PLEKHA5: variants seen among roughly 807,000 people sequenced by gnomAD.
PLEKHA5 encodes the protein pleckstrin homology domain containing A5.
In PLEKHA5, 55 loss-of-function variants were observed where a neutral mutation model predicts 181.9. The ratio of observed to expected loss-of-function variants is 0.30; its 90% CI spans 0.24 to 0.38. PLEKHA5 has a LOEUF of 0.38. PLEKHA5 is among the 10% of genes least tolerant of loss of function. The pLI, the probability that PLEKHA5 is intolerant of heterozygous loss-of-function variation, is 1.00. For missense variants in PLEKHA5, 1,432 were observed against 1,549.5 expected (o/e 0.92, Z 1.27); for synonymous variants, 535 against 529.4 (o/e 1.01, Z -0.15).
At chr12:19,276,701 G>A (rs1592290562) in intron 11 of PLEKHA5, among the ~76,000 whole-genome samples, 1 of 152,112 alleles carries the variant, frequency 6.6e-6, no homozygotes, top group East Asian at 1.9e-4. Flanking sequence ...ATGACACCCT[G>A]CCTTTTAGGC....
At chr12:19,292,848 A>G (rs2078822970) in intron 15 of PLEKHA5, among the ~76,000 whole-genome samples, 1 of 152,136 alleles carries the variant, frequency 6.6e-6, no homozygotes. Flanking sequence ...CTGAGGCAGG[A>G]GAATCACTTG....
intron 3 of PLEKHA5, among the ~76,000 whole-genome samples, chr12:19,162,327 A>G (rs990148533): frequency 2.6e-5 from 4 of 152,210 alleles, no homozygotes; most frequent in East Asian, 3.9e-4. Flanking sequence ...AAAGATTGTA[A>G]TAAGTATTAA....
intron 30 of PLEKHA5, 67 bp downstream of exon 30, chr12:19,366,176 T>C: frequency 2.3e-6 from 3 of 1,319,288 alleles, no homozygotes; most frequent in Non-Finnish European, 3.2e-6. Flanking sequence ...TTATTTTCCA[T>C]GGGGAGATTC....
Position 19,345,906 on chromosome 12 carries a change from T to C in PLEKHA5, c.2709+18T>C. The C allele has an allele frequency of 3.8e-6, 5 of 1,303,986 alleles. No homozygotes were observed. Among genetic ancestry groups the C allele is most frequent in the Non-Finnish European group, 5.5e-6 (5 of 907,920 alleles). The allele number at this position is 1,303,986 out of a possible 1,614,324, so 80.8% of individuals were successfully genotyped here. On this transcript the variant is annotated intron_variant, in intron 23 of 31. Coordinates refer to ENST00000429027, the MANE Select transcript of PLEKHA5 (RefSeq NM_001256470.2). ...AAAATGAGGTAAGTTTGGATTGTTT[T>C]TCTAATTATAAATTACTTTTAATGC...
intron 3 of PLEKHA5, among the ~76,000 whole-genome samples, chr12:19,174,591 G>C (rs2151734659): frequency 6.6e-6 from 1 of 152,286 alleles, no homozygotes; most frequent in Admixed American, 6.5e-5. Flanking sequence ...AGCAGGCGTA[G>C]GGACCGTTCT....
chr12:19,267,714 A>G, intron 8 of PLEKHA5, among the ~76,000 whole-genome samples: 1 of 150,706 alleles, frequency 6.6e-6, no homozygotes, highest in East Asian at 2.0e-4. Context: ...CTGTAATCCC[A>G]GCACTTTGGG....
At chr12:19,294,507 A>G (rs1306269974) in intron 15 of PLEKHA5, among the ~76,000 whole-genome samples, 2 of 152,166 alleles carry the variant, frequency 1.3e-5, no homozygotes, top group Non-Finnish European at 2.9e-5. Context: ...ACAAATGAAC[A>G]TGTACTAATC....
intron 8 of PLEKHA5, among the ~76,000 whole-genome samples, chr12:19,267,914 C>T (rs1394967463): frequency 5.9e-5 from 9 of 151,854 alleles, no homozygotes; most frequent in African/African-American, 2.2e-4. Flanking sequence ...GAGCCGAGAT[C>T]GCGCCATTGC....
At chr12:19,261,344 A>G (rs2152618726) in intron 7 of PLEKHA5, among the ~76,000 whole-genome samples, 1 of 152,256 alleles carries the variant, frequency 6.6e-6, no homozygotes, top group Non-Finnish European at 1.5e-5. Context: ...GTTTTGTCAG[A>G]TCTAGCTTAT....
chr12:19,253,064 C>CTTTTTTTTTTTTTTTTTTTT lies in PLEKHA5; in HGVS notation c.228-869_228-850dup, dbSNP rs35536570. 9.0e-3 allele frequency among the ~76,000 whole-genome samples: 415 copies of CTTTTTTTTTTTTTTTTTTTT among 45,888 alleles called. 126 individuals are homozygous for CTTTTTTTTTTTTTTTTTTTT. Among genetic ancestry groups the CTTTTTTTTTTTTTTTTTTTT allele is most frequent in the Non-Finnish European group, 0.015 (338 of 21,912 alleles). 30.1% of individuals were successfully genotyped at this position (45,888 alleles called of 152,430 possible). ...GAGCTAAACAGCCAAATCAACTTAC[C>CTTTTTTTTTTTTTTTTTTTT]TTTTTTTTTTTTTTTTTTTTTTTTT... On this transcript the variant is annotated intron_variant, in intron 3 of 31. Transcript: ENST00000429027.
intron 3 of PLEKHA5, among the ~76,000 whole-genome samples, chr12:19,179,913 C>T (rs770813389): frequency 6.6e-5 from 10 of 152,140 alleles, no homozygotes; most frequent in Admixed American, 1.3e-4. Flanking sequence ...TTTCCCAGGC[C>T]GGACTTCAAC....
At chr12:19,161,818 T>G (rs918455824) in intron 3 of PLEKHA5, among the ~76,000 whole-genome samples, 2 of 152,158 alleles carry the variant, frequency 1.3e-5, no homozygotes, top group African/African-American at 4.8e-5. Context: ...AGAAGAGGAT[T>G]TACTATAACG....
chr12:19,318,660 C>T (rs537852934), intron 16 of PLEKHA5, among the ~76,000 whole-genome samples: 1 of 152,132 alleles, frequency 6.6e-6, no homozygotes, highest in African/African-American at 2.4e-5. Context: ...TGGTGGCTCA[C>T]GCCTATAATC....
chr12:19,273,504 A>T (rs2073661426), intron 10 of PLEKHA5, among the ~76,000 whole-genome samples: 1 of 152,022 alleles, frequency 6.6e-6, no homozygotes, highest in African/African-American at 2.4e-5. Context: ...CTAGTTTCTG[A>T]TAGAAGCATT....
chr12:19,358,324 C>A lies in PLEKHA5; in HGVS notation c.3235C>A (p.Gln1079Lys). ...EEQMERIRRH[Q>K]QACLREKKKG... is the part of the protein sequence containing the mutation. ...GCAAATGGAAAGAATAAGAAGACAT[C>A]AACAAGCGTGCCTGAGGGAGAAGAA... is the stretch of plus-strand genomic sequence containing the variant. Residue 1079 changes from glutamine to lysine, a missense_variant, in exon 27 of 32, where the codon CAA becomes AAA. Physicochemically the swap from Gln to Lys is moderately conservative, Grantham distance 53. This residue lies in a region of PLEKHA5 where 1,143 missense variants were observed against 1,168.4 expected (regional missense o/e 0.98). Transcript: ENST00000429027. The A allele has an allele frequency of 6.8e-6, 11 of 1,613,724 alleles. No homozygotes were observed. Among genetic ancestry groups the A allele is most frequent in the Non-Finnish European group, 9.3e-6 (11 of 1,179,680 alleles).
intron 3 of PLEKHA5, among the ~76,000 whole-genome samples, chr12:19,224,034 T>C (rs2059355806): frequency 6.6e-6 from 1 of 152,158 alleles, no homozygotes; most frequent in South Asian, 2.1e-4. Context: ...GTAGTGCCTG[T>C]GTGATTGTTG....
intron 3 of PLEKHA5, among the ~76,000 whole-genome samples, chr12:19,244,720 CTAAAAT>C (rs1392113580): frequency 6.6e-6 from 1 of 152,122 alleles, no homozygotes; most frequent in East Asian, 1.9e-4. Flanking sequence ...CTGTGGGATT[CTAAAAT>C]ATATATTACT....
rs1320189649 is a variant in PLEKHA5, at chr12:19,359,522, C to T, written c.3459C>T (p.Pro1153=). 1.2e-6 allele frequency: 2 copies of T among 1,613,838 alleles called. No individual in the cohort carries two copies. The highest frequency in any genetic ancestry group is 3.3e-5 in the Admixed American group (2 of 59,976). Residue 1153 remains proline (P), a synonymous_variant, in exon 28 of 32, where the codon CCC becomes CCT. Coordinates refer to ENST00000429027, the MANE Select transcript of PLEKHA5 (RefSeq NM_001256470.2). ...TEIVQLKETE[P]QNVDFSKELK... ...TTGTTCAACTAAAAGAAACCGAACC[C>T]CAAAATGTGGACTTCAGCAAAGAGG...
intron 29 of PLEKHA5, 78 bp from the exon 30 acceptor site, chr12:19,365,886 A>T: frequency 1.1e-6 from 1 of 882,344 alleles, no homozygotes; most frequent in Non-Finnish European, 1.7e-6. Context: ...AGGTGGTGGC[A>T]TCTTTTATAA....
Sources: gnomAD v4.1 joint callset for allele counts (sites outside exome capture counted in the v4.1 genomes callset) on GRCh38, gnomAD v4.1.1 for gene constraint, gnomAD v4.1.1 regional missense constraint, MANE v1.5 for transcripts, NCBI Gene and HGNC (gene_info 2026-07-23, HGNC 2026-07-21) for gene names.